SYTL2: variants seen among roughly 807,000 people sequenced by gnomAD.
The protein encoded by SYTL2 is synaptotagmin like 2.
Under a neutral mutation model 198.7 loss-of-function variants are expected in SYTL2, and 165 were observed. The observed-to-expected ratio is 0.83, with a 90% CI of 0.73 to 0.94. SYTL2 has a LOEUF of 0.94. Ranked by LOEUF, SYTL2 falls within the 40% of genes least tolerant of loss-of-function variation. SYTL2 has a pLI of 0.00. For missense variants in SYTL2, 2,835 were observed against 2,582.8 expected, an observed-to-expected ratio of 1.10 and a Z score of -2.12; for synonymous variants, 966 against 917.7, an observed-to-expected ratio of 1.05 and a Z score of -0.95.
the SYTL2 span, among the ~76,000 whole-genome samples, chr11:85,818,342 T>C: frequency 1.3e-5 from 2 of 152,352 alleles, no homozygotes; most frequent in East Asian, 3.9e-4. Context: ...TAAATACTTA[T>C]TGAATGACCA....
chr11:85,704,521 T>C (rs2084827477), intron 16 of SYTL2, among the ~76,000 whole-genome samples: 1 of 152,164 alleles, frequency 6.6e-6, no homozygotes, highest in Non-Finnish European at 1.5e-5. Flanking sequence ...AATTGATAAA[T>C]ATAGAACATT....
intron 1 of SYTL2, among the ~76,000 whole-genome samples, chr11:85,808,062 CATT>C (rs756738973): frequency 4.6e-5 from 7 of 151,400 alleles, no homozygotes; most frequent in African/African-American, 4.8e-5. Flanking sequence ...GTATTTATAT[CATT>C]ATTATTATTA....
intron 14 of SYTL2, chr11:85,707,978 A>AAC (rs1591611680): frequency 0.012 from 1,643 of 142,184 alleles, 45 homozygotes; most frequent in East Asian, 0.11. Flanking sequence ...AAAAAAAACC[A>AAC]CACACACACA....
intron 2 of SYTL2, among the ~76,000 whole-genome samples, chr11:85,756,995 T>A (rs2091901708): frequency 6.6e-6 from 1 of 152,236 alleles, no homozygotes; most frequent in Admixed American, 6.5e-5. Flanking sequence ...TTCTTCAGCA[T>A]CCTGGCCTAG....
At position 85,718,631 on chromosome 11, in the gene SYTL2, G is replaced by T. The variant is rs1454608725; in HGVS notation, c.5482+159C>A. 2.0e-5 allele frequency: 13 copies of T among 641,812 alleles called. No individual in the cohort carries two copies. In the Admixed American group the frequency reaches 2.5e-4, roughly 12 times the overall value. The allele number at this position is 641,812 out of a possible 1,614,324, so 39.8% of individuals were successfully genotyped here. ...CTTAAGAATACAAACTATATTAAAT[G>T]TACCAAATCAGAACTGTTTTATAGT... On this transcript the variant is annotated intron_variant, in intron 10 of 19. Transcript: ENST00000359152.
intron 7 of SYTL2, among the ~76,000 whole-genome samples, chr11:85,731,361 G>A (rs772577786): frequency 1.1e-4 from 17 of 152,226 alleles, no homozygotes; most frequent in African/African-American, 3.1e-4. Flanking sequence ...AACCAAAACT[G>A]CATGGTACTG....
chr11:85,775,041 C>T (rs1053227411), intron 1 of SYTL2, among the ~76,000 whole-genome samples: 1 of 151,576 alleles, frequency 6.6e-6, no homozygotes, highest in African/African-American at 2.4e-5. Flanking sequence ...TGAATGCCAA[C>T]ACCATCACCA....
Position 85,737,665 on chromosome 11 carries a change from GAA to G in SYTL2, c.390-11_390-10del. ...GATTTACCACACTGGAACTGCAAAA[GAA>G]ACAATAATTCAGAGAATAAAACCTC... is the stretch of plus-strand genomic sequence containing the variant. On this transcript the variant is annotated splice_polypyrimidine_tract_variant and intron_variant, in intron 4 of 19. Coordinates refer to ENST00000359152, the MANE Select transcript of SYTL2 (RefSeq NM_206927.4). 6.2e-7 allele frequency: 1 copy of G among 1,609,410 alleles called. No homozygotes were observed.
intron 1 of SYTL2, among the ~76,000 whole-genome samples, chr11:85,798,690 C>T (rs915044627): frequency 3.3e-5 from 5 of 152,156 alleles, no homozygotes; most frequent in South Asian, 2.1e-4. Flanking sequence ...GGAGCTCCCA[C>T]GGGTCTTCTC....
chr11:85,696,214 A>C lies in SYTL2; in HGVS notation c.6543T>G (p.Phe2181Leu), dbSNP rs369162906. Residue 2181 changes from phenylalanine to leucine, a missense_variant, in exon 19 of 20, where the codon TTT (phenylalanine) becomes TTG (leucine). Physicochemically the swap from Phe to Leu is conservative, Grantham distance 22. This residue lies in a region of SYTL2 where 185 missense variants were observed against 182.1 expected (regional missense o/e 1.02). Transcript: ENST00000359152. ...CAAAGCCAATACGAAGACCTCCCAA[A>C]AATTGGTTGGTTAATTTGTAATGGT... ...VWDHYKLTNQ[F>L]LGGLRIGFGT... 1 of 1,614,114 alleles carries C rather than the reference A, an allele frequency of 6.2e-7. No individual in the cohort carries two copies. The highest frequency in any genetic ancestry group is 1.1e-5 in the South Asian group (1 of 91,082).
At chr11:85,841,745 A>G in the SYTL2 span, among the ~76,000 whole-genome samples, 8 of 152,164 alleles carry the variant, frequency 5.3e-5, no homozygotes, top group African/African-American at 1.9e-4. Flanking sequence ...TGGGTGACAG[A>G]ATAATCTGTA....
chr11:85,725,272 T>G lies in SYTL2; in HGVS notation c.4086A>C (p.Pro1362=). The part of the protein sequence containing the change: ...ISETVEKVIL[P]PRPVLNDVSA... Reference sequence around the variant, plus strand: ...TTACATCATTCAATACAGGTCTGGGTGGAAGAATGACTTTCTCTACAGTCT... The same window carrying G: ...TTACATCATTCAATACAGGTCTGGGGGGAAGAATGACTTTCTCTACAGTCT... Residue 1362 remains proline, a synonymous_variant, in exon 8 of 20, where the codon CCA becomes CCC. Coordinates refer to ENST00000359152, the MANE Select transcript of SYTL2 (RefSeq NM_206927.4). 1 of 1,614,126 alleles carries G rather than the reference T, an allele frequency of 6.2e-7. No homozygotes were observed. Among genetic ancestry groups the G allele is most frequent in the Non-Finnish European group, 8.5e-7 (1 of 1,180,018 alleles).
At chr11:85,815,635 G>A (rs1182812183), upstream of SYTL2, among the ~76,000 whole-genome samples, 1 of 152,286 alleles carries the variant, frequency 6.6e-6, no homozygotes, top group Non-Finnish European at 1.5e-5. Context: ...AGCTATTAGT[G>A]TCTGCATTTT....
chr11:85,701,998 A>G (rs1369503781), intron 16 of SYTL2, among the ~76,000 whole-genome samples: 1 of 152,168 alleles, frequency 6.6e-6, no homozygotes, highest in Non-Finnish European at 1.5e-5. Context: ...GACTTTTAGC[A>G]GTTTCATGAG....
the SYTL2 span, among the ~76,000 whole-genome samples, chr11:85,820,967 T>C: frequency 2.7e-3 from 405 of 152,338 alleles, 2 homozygotes; most frequent in African/African-American, 9.4e-3. Context: ...CAATCATTTA[T>C]TGAGTGCCAG....
the SYTL2 span, among the ~76,000 whole-genome samples, chr11:85,829,044 G>C: frequency 3.7e-5 from 4 of 108,352 alleles, no homozygotes; most frequent in Admixed American, 3.8e-4. Flanking sequence ...CCAAAAAAGA[G>C]CTCTGTTTTT....
chr11:85,839,542 T>C, the SYTL2 span, among the ~76,000 whole-genome samples: 3 of 152,220 alleles, frequency 2.0e-5, no homozygotes, highest in Non-Finnish European at 2.9e-5. Context: ...CATGGAATGT[T>C]TGTCTTTCTG....
chr11:85,696,259 A>C lies in SYTL2; in HGVS notation c.6498T>G (p.Cys2166Trp), dbSNP rs777122682. 3.7e-6 allele frequency: 6 copies of C among 1,614,146 alleles called. No individual in the cohort carries two copies. In the South Asian group the frequency reaches 6.6e-5, roughly 18 times the overall value. ...GFRPEDLMEA[C>W]VELTVWDHYK... ...AATGGTCCCAGACAGTAAGCTCTAC[A>C]CAGGCTTCCATCAGATCTTCAGGCC... Residue 2166 changes from cysteine (C) to tryptophan (W), a missense_variant, in exon 19 of 20, where the codon TGT becomes TGG. By Grantham distance (215) the Cys-to-Trp change is radical. This residue lies in a region of SYTL2 where 185 missense variants were observed against 182.1 expected (regional missense o/e 1.02). Transcript: ENST00000359152.
At chr11:85,814,653 T>C (rs1422329854), upstream of SYTL2, among the ~76,000 whole-genome samples, 3 of 152,224 alleles carry the variant, frequency 2.0e-5, no homozygotes, top group Non-Finnish European at 4.4e-5. Flanking sequence ...TTTTAAATGA[T>C]AATCTGAAAT....
Sources: allele counts gnomAD v4.1 joint callset (sites outside exome capture counted in the v4.1 genomes callset), GRCh38; gene constraint gnomAD v4.1.1; regional missense constraint gnomAD v4.1.1; transcripts MANE v1.5; gene names NCBI Gene and HGNC (gene_info 2026-07-23, HGNC 2026-07-21).